Variants in PPP6R3 observed in about 807,000 individuals in gnomAD.
PPP6R3 encodes the protein protein phosphatase 6 regulatory subunit 3.
A neutral mutation model predicts 110.7 loss-of-function variants in PPP6R3; 38 were observed. The observed-to-expected ratio is 0.34, with a 90% CI of 0.26 to 0.45. The LOEUF is 0.45. Ranked by LOEUF, PPP6R3 falls within the 20% of genes least tolerant of loss-of-function variation. The probability of loss-of-function intolerance (pLI) is 1.00; values close to 1 mark genes in which losing one functional copy is unlikely to be tolerated. For missense variants in PPP6R3, 870 were observed against 1,062.4 expected (o/e 0.82, Z 2.52); for synonymous variants, 369 against 373.5 (o/e 0.99, Z 0.14).
intron 1 of PPP6R3, among the ~76,000 whole-genome samples, chr11:68,487,444 C>G (rs1400496543): frequency 1.3e-5 from 2 of 152,026 alleles, no homozygotes; most frequent in African/African-American, 2.4e-5. Context: ...GTGGCACATG[C>G]CTGTAATCCC....
At chr11:68,574,390 T>C (rs1329799877) in intron 13 of PPP6R3, among the ~76,000 whole-genome samples, 166 bp downstream of exon 13, 1 of 152,242 alleles carries the variant, frequency 6.6e-6, no homozygotes, top group Non-Finnish European at 1.5e-5. Context: ...TTGAACAGTG[T>C]TGTTTTTTGG....
intron 15 of PPP6R3, 73 bp from the exon 16 acceptor site, chr11:68,587,854 C>A: frequency 1.6e-6 from 2 of 1,267,886 alleles, no homozygotes; most frequent in Non-Finnish European, 2.3e-6. Flanking sequence ...ATTTCTGGAA[C>A]ACAAATGGGC....
At chr11:68,492,154 T>G (rs2098988186) in intron 1 of PPP6R3, among the ~76,000 whole-genome samples, 2 of 152,186 alleles carry the variant, frequency 1.3e-5, no homozygotes, top group African/African-American at 4.8e-5. Context: ...CCGAATTTCC[T>G]TTCTTTTTTT....
chr11:68,542,389 GTTTTTT>G (rs34666175), intron 3 of PPP6R3, among the ~76,000 whole-genome samples: 15 of 40,188 alleles, frequency 3.7e-4, no homozygotes, highest in East Asian at 1.0e-3. Flanking sequence ...AGAAGCTGCT[GTTTTTT>G]TTTTTTTTTT....
At chr11:68,598,318 G>A (rs1157113614) in intron 19 of PPP6R3, among the ~76,000 whole-genome samples, 1 of 152,178 alleles carries the variant, frequency 6.6e-6, no homozygotes, top group Non-Finnish European at 1.5e-5. Flanking sequence ...AGCAGGCTGG[G>A]TATGGTTAAG....
At chr11:68,466,947 C>T (rs993896170) in intron 1 of PPP6R3, among the ~76,000 whole-genome samples, 4 of 149,304 alleles carry the variant, frequency 2.7e-5, no homozygotes, top group Admixed American at 1.3e-4. Flanking sequence ...GGGGTTTCAC[C>T]GTGTTAGCCA....
chr11:68,567,914 G>T (rs1432182616), intron 10 of PPP6R3, among the ~76,000 whole-genome samples: 1 of 152,052 alleles, frequency 6.6e-6, no homozygotes, highest in African/African-American at 2.4e-5. Flanking sequence ...GTGATCCTGG[G>T]TGATCTCCAG....
chr11:68,575,302 G>A (rs769384708), intron 13 of PPP6R3, among the ~76,000 whole-genome samples: 4 of 152,260 alleles, frequency 2.6e-5, no homozygotes, highest in South Asian at 2.1e-4. Context: ...CTAAAATTAC[G>A]TCATGGTTTG....
At chr11:68,536,598 A>G (rs561034918) in intron 2 of PPP6R3, among the ~76,000 whole-genome samples, 44 of 152,302 alleles carry the variant, frequency 2.9e-4, no homozygotes, top group African/African-American at 9.6e-4. Context: ...TGTGTGCTAT[A>G]CATGGATTAC....
chr11:68,462,503 G>A (rs1466915171), intron 1 of PPP6R3, among the ~76,000 whole-genome samples: 2 of 151,768 alleles, frequency 1.3e-5, no homozygotes, highest in African/African-American at 4.9e-5. Context: ...TAGTTTCTGG[G>A]TGACTGCCAC....
chr11:68,484,246 TTACTG>T (rs1048607679), intron 1 of PPP6R3, among the ~76,000 whole-genome samples: 8 of 152,204 alleles, frequency 5.3e-5, no homozygotes, highest in African/African-American at 1.7e-4. Context: ...AGGAGTATGA[TTACTG>T]TATTGTACAG....
At chr11:68,519,773 T>A (rs979286458) in intron 2 of PPP6R3, 122 bp downstream of exon 2, 5 of 393,226 alleles carry the variant, frequency 1.3e-5, no homozygotes, top group African/African-American at 1.0e-4. Flanking sequence ...CTGAGCTAGG[T>A]ACAATATGAT....
At chr11:68,611,532 G>A (rs914519256) in intron 23 of PPP6R3, among the ~76,000 whole-genome samples, 1 of 152,208 alleles carries the variant, frequency 6.6e-6, no homozygotes, top group African/African-American at 2.4e-5. Context: ...TGGAAGAAGA[G>A]GGGCATCACT....
At chr11:68,548,348 G>A in intron 5 of PPP6R3, 144 bp downstream of exon 5, 1 of 1,106,552 alleles carries the variant, frequency 9.0e-7, no homozygotes, top group Non-Finnish European at 1.3e-6. Context: ...GGGTGGGGAA[G>A]AAAGGTTGTT....
chr11:68,517,337 T>C (rs758685046), intron 1 of PPP6R3, among the ~76,000 whole-genome samples: 33 of 152,156 alleles, frequency 2.2e-4, no homozygotes, highest in Non-Finnish European at 4.6e-4. Context: ...AGTTGGAGCA[T>C]ATGAAATTGA....
At chr11:68,480,996 C>T (rs1251759415) in intron 1 of PPP6R3, among the ~76,000 whole-genome samples, 2 of 152,098 alleles carry the variant, frequency 1.3e-5, no homozygotes, top group Non-Finnish European at 2.9e-5. Flanking sequence ...TTAACATTGA[C>T]TCCAGCCAAG....
In PPP6R3 at chr11:68,470,967, A is replaced by T. The variant is rs538875975; in HGVS notation, c.-158+10140A>T. On this transcript the variant is annotated intron_variant, in intron 1 of 23. Coordinates refer to ENST00000393800, the MANE Select transcript of PPP6R3 (RefSeq NM_001164161.2). ...TTGGGGTGTTCACTGCTCAAGGGAG[A>T]GATCTAGGCTGCAGATAGAAATAGG... 3.9e-5 allele frequency among the ~76,000 whole-genome samples: 6 copies of T among 152,082 alleles called. No individual in the cohort carries two copies. In the South Asian group the frequency reaches 1.2e-3, roughly 32 times the overall value.
At chr11:68,523,493 T>C (rs138594155) in intron 2 of PPP6R3, among the ~76,000 whole-genome samples, 390 of 152,302 alleles carry the variant, frequency 2.6e-3, no homozygotes, top group Non-Finnish European at 3.9e-3. Flanking sequence ...TAAGTTATGG[T>C]CCTTTTTTTG....
At position 68,554,283 on chromosome 11, in the gene PPP6R3, C is replaced by T. The variant is rs1490396002; in HGVS notation, c.731+26C>T. On this transcript the variant is annotated intron_variant, in intron 7 of 23. Transcript: ENST00000393800. ...GTATGTGTAAAACTCTGTTCTTGTT[C>T]TTCTTTCATATTGATGCTGTTCCAT... is the stretch of plus-strand genomic sequence containing the variant. 5.2e-6 allele frequency: 8 copies of T among 1,524,416 alleles called. No individual in the cohort carries two copies. In the South Asian group the frequency reaches 9.2e-5, roughly 18 times the overall value. 94.4% of individuals were successfully genotyped at this position (1,524,416 alleles called of 1,614,324 possible). A position where few individuals can be genotyped will look rare whatever the true frequency, so the allele number is the denominator to read the frequency against.
Sources: gnomAD v4.1 joint callset for allele counts (sites outside exome capture counted in the v4.1 genomes callset) on GRCh38, gnomAD v4.1.1 for gene constraint, MANE v1.5 for transcripts, NCBI Gene and HGNC (gene_info 2026-07-23, HGNC 2026-07-21) for gene names.